Variants in EPYC observed in about 807,000 individuals in gnomAD.
The protein encoded by EPYC is dermatan sulfate proteoglycan 3.
EPYC carries 28 observed loss-of-function variants against 30.1 expected under a neutral mutation model. The observed-to-expected ratio is 0.93, with a 90% CI of 0.69 to 1.28. The LOEUF (loss-of-function observed/expected upper bound fraction) is 1.28. EPYC is among the 50% of genes most tolerant of loss of function. The pLI is 0.00. For synonymous variants in EPYC, 144 were observed against 141.4 expected, an observed-to-expected ratio of 1.02 and a Z score of -0.13; for missense variants, 382 against 383.5, an observed-to-expected ratio of 1.00 and a Z score of 0.03.
intron 2 of EPYC, among the ~76,000 whole-genome samples, chr12:90,994,362 A>T (rs1877652655): frequency 6.6e-6 from 1 of 152,182 alleles, no homozygotes; most frequent in Non-Finnish European, 1.5e-5. Context: ...TCTGTATTAA[A>T]CAGCTAACAT....
chr12:90,993,546 C>A (rs954509510), intron 2 of EPYC, among the ~76,000 whole-genome samples: 17 of 152,174 alleles, frequency 1.1e-4, no homozygotes, highest in African/African-American at 4.1e-4. Context: ...TTACTATTTT[C>A]ATGAATCTCT....
At chr12:90,991,146 T>C (rs902107981) in intron 2 of EPYC, among the ~76,000 whole-genome samples, 1 of 152,172 alleles carries the variant, frequency 6.6e-6, no homozygotes, top group Non-Finnish European at 1.5e-5. Context: ...GAGTATATAA[T>C]ATATATTTGC....
chr12:90,992,994 T>C (rs908905241), intron 2 of EPYC, among the ~76,000 whole-genome samples: 44 of 101,160 alleles, frequency 4.3e-4, no homozygotes, highest in African/African-American at 1.6e-3. Context: ...GTACACAGGT[T>C]ACAGACCAGA....
intron 5 of EPYC, among the ~76,000 whole-genome samples, chr12:90,970,435 C>A (rs1405883154): frequency 6.6e-6 from 1 of 152,154 alleles, no homozygotes; most frequent in Admixed American, 6.5e-5. Flanking sequence ...TCAATTTAAG[C>A]AAGGCTGCTT....
At chr12:91,000,361 A>G (rs1407879957) in intron 2 of EPYC, among the ~76,000 whole-genome samples, 1 of 151,762 alleles carries the variant, frequency 6.6e-6, no homozygotes, top group Non-Finnish European at 1.5e-5. Context: ...TTGTTGTTCC[A>G]GAAAACACAG....
chr12:91,002,046 G>A (rs79761395), intron 2 of EPYC, among the ~76,000 whole-genome samples: 159 of 151,564 alleles, frequency 1.0e-3, no homozygotes, highest in African/African-American at 3.5e-3. Flanking sequence ...AATTAGCTGC[G>A]TGTGTCCTAG....
intron 2 of EPYC, among the ~76,000 whole-genome samples, chr12:90,981,185 T>C (rs1386619894): frequency 6.6e-6 from 1 of 152,114 alleles, no homozygotes; most frequent in Non-Finnish European, 1.5e-5. Context: ...GATGTCAGTA[T>C]GAAGAGATAA....
chr12:90,972,566 T>C (rs1877078063), intron 4 of EPYC: 2 of 297,676 alleles, frequency 6.7e-6, no homozygotes, highest in African/African-American at 2.2e-5. Flanking sequence ...TACAATATAA[T>C]TATTTATTAT....
At chr12:90,976,309 A>T (rs185689247) in intron 3 of EPYC, among the ~76,000 whole-genome samples, 2 of 152,122 alleles carry the variant, frequency 1.3e-5, no homozygotes, top group African/African-American at 4.8e-5. Context: ...GAGAGAAAAA[A>T]ATGCATGAAC....
At chr12:90,991,746 T>A (rs1877589772) in intron 2 of EPYC, among the ~76,000 whole-genome samples, 1 of 152,084 alleles carries the variant, frequency 6.6e-6, no homozygotes, top group Non-Finnish European at 1.5e-5. Flanking sequence ...TCATTCCAAT[T>A]TCAGTAGTCC....
At chr12:90,996,446 T>G (rs1053204139) in intron 2 of EPYC, among the ~76,000 whole-genome samples, 1 of 151,892 alleles carries the variant, frequency 6.6e-6, no homozygotes, top group Non-Finnish European at 1.5e-5. Context: ...AGTATATTGC[T>G]TGGTGCTGAG....
Position 90,974,036 on chromosome 12 carries a change from ACT to A in EPYC, c.341-1058_341-1057del, listed in dbSNP as rs755656728. On this transcript the variant is annotated intron_variant, in intron 3 of 6. Coordinates refer to ENST00000261172, the MANE Select transcript of EPYC (RefSeq NM_004950.5). ...GATTTTTCTTTTCTGTCTTACACACACTCACACACACACACACACACACACAC... is the reference window on the plus strand; with the variant it reads ...GATTTTTCTTTTCTGTCTTACACACACACACACACACACACACACACACAC... Among the ~76,000 whole-genome samples the A allele has an allele frequency of 7.5e-3, 770 of 102,336 alleles. 4 individuals carry two copies. Among genetic ancestry groups the A allele is most frequent in the African/African-American group, 0.013 (277 of 22,060 alleles). The allele number at this position is 102,336 out of a possible 152,430, so 67.1% of individuals were successfully genotyped here.
intron 2 of EPYC, among the ~76,000 whole-genome samples, chr12:90,982,332 A>G (rs78115705): frequency 0.028 from 4,296 of 152,196 alleles, 219 homozygotes; most frequent in African/African-American, 0.098. Flanking sequence ...CTTTTAAAGT[A>G]TACAGTCCAA....
At chr12:90,978,702 A>C (rs968107610) in intron 2 of EPYC, among the ~76,000 whole-genome samples, 5 of 152,146 alleles carry the variant, frequency 3.3e-5, no homozygotes, top group Non-Finnish European at 7.3e-5. Context: ...TGAAGGTAAT[A>C]ACTGAGCAGA....
At chr12:90,989,580 T>C (rs1335056383) in intron 2 of EPYC, among the ~76,000 whole-genome samples, 1 of 152,024 alleles carries the variant, frequency 6.6e-6, no homozygotes, top group Non-Finnish European at 1.5e-5. Context: ...AAGATAATGC[T>C]TACTCATACA....
At chr12:90,983,681 T>C (rs1183724891) in intron 2 of EPYC, among the ~76,000 whole-genome samples, 1 of 152,118 alleles carries the variant, frequency 6.6e-6, no homozygotes, top group Non-Finnish European at 1.5e-5. Flanking sequence ...CTATCTATCC[T>C]GACCCTTGAC....
intron 1 of EPYC, among the ~76,000 whole-genome samples, chr12:91,003,779 C>A (rs1001580436): frequency 2.0e-5 from 3 of 152,038 alleles, no homozygotes; most frequent in Non-Finnish European, 2.9e-5. Context: ...CCTATGCATA[C>A]ATATAAAAGG....
At chr12:90,990,690 C>G (rs1920766) in intron 2 of EPYC, among the ~76,000 whole-genome samples, 148,659 of 152,252 alleles carry the variant, frequency 0.98, 72,597 homozygotes, top group East Asian at 1. Context: ...CAAGTACAAA[C>G]GATAAATCAG....
intron 6 of EPYC, among the ~76,000 whole-genome samples, chr12:90,965,939 A>G (rs1394169703): frequency 1.3e-5 from 2 of 151,908 alleles, no homozygotes; most frequent in South Asian, 2.1e-4. Flanking sequence ...TTGCTAGTGT[A>G]TAGATATCCT....
Sources: gnomAD v4.1 joint callset for allele counts (sites outside exome capture counted in the v4.1 genomes callset) on GRCh38, gnomAD v4.1.1 for gene constraint, MANE v1.5 for transcripts, NCBI Gene and HGNC (gene_info 2026-07-23, HGNC 2026-07-21) for gene names.